Variants in IL31RA observed in about 807,000 individuals in gnomAD.
The protein encoded by IL31RA is interleukin-31 receptor subunit alpha.
Under a neutral mutation model 83.7 loss-of-function variants are expected in IL31RA, and 66 were observed. The ratio of observed to expected loss-of-function variants is 0.79; its 90% CI spans 0.65 to 0.97. The LOEUF (loss-of-function observed/expected upper bound fraction) is 0.97. Ranked by LOEUF, IL31RA falls within the 50% of genes least tolerant of loss-of-function variation. The pLI is 0.00. For synonymous variants in IL31RA, 325 were observed against 329.0 expected (o/e 0.99, Z 0.13); for missense variants, 798 against 919.4 (o/e 0.87, Z 1.71).
At position 55,883,203 on chromosome 5, in the gene IL31RA, A is replaced by G. The variant is rs372680961; in HGVS notation, c.606+8A>G. On this transcript the variant is annotated splice_region_variant and intron_variant, in intron 5 of 14. Transcript: ENST00000652347. ...GTCAACAGTACCAGCTGGGTAAGTT[A>G]TGCCATTATAATAATATTCCAATTA... is the stretch of plus-strand genomic sequence containing the variant. 104 of 1,607,690 alleles carry G rather than the reference A, an allele frequency of 6.5e-5. No individual in the cohort carries two copies. In the South Asian group the frequency reaches 7.7e-4, roughly 12 times the overall value.
chr5:55,852,394 A>T (rs1301429176), intron 1 of IL31RA: 1 of 151,700 alleles, frequency 6.6e-6, no homozygotes, highest in Non-Finnish European at 1.5e-5. Flanking sequence ...CTGGTCTCAA[A>T]CTCCTGACAT....
chr5:55,922,414 C>A lies in IL31RA; in HGVS notation c.*5294C>A. On this transcript the variant is annotated 3_prime_UTR_variant, in exon 15 of 15. Coordinates refer to ENST00000652347, the MANE Select transcript of IL31RA (RefSeq NM_139017.7). ...TTTTTAGGACTAGAATTCTGTCTTC[C>A]TGCCCAACTTCAATATAAGTGTGGA... 6.4e-7 allele frequency: 1 copy of A among 1,550,876 alleles called. No homozygotes were observed. Among genetic ancestry groups the A allele is most frequent in the Non-Finnish European group, 8.7e-7 (1 of 1,146,778 alleles).
rs1259104336 is a variant in IL31RA, at chr5:55,920,097, A to G, written c.*2977A>G. 1.3e-5 allele frequency among the ~76,000 whole-genome samples: 2 copies of G among 152,240 alleles called. No individual in the cohort carries two copies. Among genetic ancestry groups the G allele is most frequent in the African/African-American group, 4.8e-5 (2 of 41,470 alleles). Reference sequence around the variant, plus strand: ...AGTCTGTGGCTTAAATAAAAAGACCACAAGTTCCTTCTGGTGTCTTGGGAG... The same window carrying G: ...AGTCTGTGGCTTAAATAAAAAGACCGCAAGTTCCTTCTGGTGTCTTGGGAG... On this transcript the variant is annotated 3_prime_UTR_variant, in exon 15 of 15. Transcript: ENST00000652347.
intron 4 of IL31RA, among the ~76,000 whole-genome samples, chr5:55,882,747 T>G (rs1331796825): frequency 3.3e-5 from 5 of 152,062 alleles, no homozygotes; most frequent in Non-Finnish European, 7.4e-5. Flanking sequence ...CAGCCTATTT[T>G]CTGGTTGTGT....
the IL31RA span, among the ~76,000 whole-genome samples, chr5:55,841,820 T>A: frequency 2.0e-5 from 3 of 151,964 alleles, no homozygotes; most frequent in African/African-American, 7.3e-5. Flanking sequence ...ACAAACTTGG[T>A]GGCTAAAAAA....
intron 2 of IL31RA, among the ~76,000 whole-genome samples, chr5:55,866,184 C>A (rs1039143478): frequency 2.6e-5 from 4 of 152,174 alleles, no homozygotes; most frequent in Non-Finnish European, 4.4e-5. Flanking sequence ...GCTACATTCA[C>A]CTGCATAGAG....
In IL31RA at chr5:55,917,267, A is replaced by C; in HGVS notation, c.*147A>C. 1 of 1,564,170 alleles carries C rather than the reference A, an allele frequency of 6.4e-7. No individual in the cohort carries two copies. Among genetic ancestry groups the C allele is most frequent in the South Asian group, 1.2e-5 (1 of 86,956 alleles). On this transcript the variant is annotated 3_prime_UTR_variant, in exon 15 of 15. Coordinates refer to ENST00000652347, the MANE Select transcript of IL31RA (RefSeq NM_139017.7). The stretch of plus-strand genomic sequence containing the variant: ...CCCTGCCCCTTGAGCTGCCAGTTGA[A>C]CTTGGTCGGCAAAGATGCGACCTTG...
Position 55,854,784 on chromosome 5 carries a change from A to G in IL31RA, c.63+3151A>G, listed in dbSNP as rs1464069329. 2.6e-5 allele frequency among the ~76,000 whole-genome samples: 4 copies of G among 151,462 alleles called. No individual in the cohort carries two copies. In the East Asian group the frequency reaches 7.7e-4, roughly 29 times the overall value. ...GAAATAAAATATAAAATATGCAACT[A>G]TAAATATAAAATATATAAATAGAAA... On this transcript the variant is annotated intron_variant, in intron 1 of 14. Transcript: ENST00000652347.
chr5:55,895,971 T>C (rs1748308894), intron 6 of IL31RA, among the ~76,000 whole-genome samples: 1 of 152,244 alleles, frequency 6.6e-6, no homozygotes, highest in Non-Finnish European at 1.5e-5. Flanking sequence ...TGTATATACA[T>C]ATATCTCCTT....
rs768418984 is a variant in IL31RA at position 55,916,675 on chromosome 5, C to T, written c.1850C>T (p.Ser617Phe). The change falls in exon 15 of 15, where the codon TCT (serine) becomes TTT (phenylalanine). Residue 617 changes from serine to phenylalanine, a missense_variant. Ser to Phe is a radical substitution (Grantham distance 155, BLOSUM62 -2). Transcript: ENST00000652347. ...DKLNLKESDD[S>F]VNTEDRILKP... ...CTAAACCTGAAGGAGTCTGATGACT[C>T]TGTGAACACAGAAGACAGGATCTTA... 47 of 1,614,044 alleles carry T rather than the reference C, an allele frequency of 2.9e-5. No individual in the cohort carries two copies. The highest frequency in any genetic ancestry group is 4.0e-5 in the Non-Finnish European group (47 of 1,180,016).
At chr5:55,855,895 G>T (rs1444435182) in intron 1 of IL31RA, among the ~76,000 whole-genome samples, 3 of 152,052 alleles carry the variant, frequency 2.0e-5, no homozygotes, top group African/African-American at 7.2e-5. Context: ...TGGTTTTGTT[G>T]TTGTTTGTTT....
At chr5:55,860,139 C>T (rs1017141799) in intron 2 of IL31RA, among the ~76,000 whole-genome samples, 12 of 152,024 alleles carry the variant, frequency 7.9e-5, no homozygotes, top group East Asian at 1.9e-4. Context: ...GAGGCTGAGG[C>T]GGGCAGATTT....
At position 55,859,547 on chromosome 5, in the gene IL31RA, G is replaced by A. The variant is rs1411291445; in HGVS notation, c.102G>A (p.Met34Ile). Reference sequence around the variant, plus strand: ...CTTCATGTGTTAACCTGGGGATGATGTGGACCTGGGCACTGTGGATGCTCC... The same window carrying A: ...CTTCATGTGTTAACCTGGGGATGATATGGACCTGGGCACTGTGGATGCTCC... ...PQPSCVNLGM[M>I]WTWALWMLPS... The change falls in exon 2 of 15, where the codon ATG (methionine) becomes ATA (isoleucine). Residue 34 changes from methionine (M) to isoleucine (I), a missense_variant. Coordinates refer to ENST00000652347, the MANE Select transcript of IL31RA (RefSeq NM_139017.7). The A allele has an allele frequency of 1.2e-6, 2 of 1,613,992 alleles. No individual in the cohort carries two copies.
chr5:55,909,937 C>T (rs1388757386), intron 11 of IL31RA, among the ~76,000 whole-genome samples: 4 of 152,184 alleles, frequency 2.6e-5, no homozygotes, highest in Non-Finnish European at 5.9e-5. Flanking sequence ...CTCCCGACCT[C>T]GGGTGATCTG....
chr5:55,910,180 A>C (rs1208269883), intron 11 of IL31RA, among the ~76,000 whole-genome samples: 1 of 152,082 alleles, frequency 6.6e-6, no homozygotes, highest in Non-Finnish European at 1.5e-5. Context: ...TTATCTTTTC[A>C]TTCTTGATAT....
chr5:55,900,163 G>A, intron 8 of IL31RA, 31 bp downstream of exon 8: 1 of 1,498,716 alleles, frequency 6.7e-7, no homozygotes, highest in Non-Finnish European at 9.3e-7. Context: ...TTCCTTAGGT[G>A]CCTGGTCCCA....
chr5:55,851,072 G>A (rs183294541), upstream of IL31RA, among the ~76,000 whole-genome samples: 8 of 151,080 alleles, frequency 5.3e-5, no homozygotes, highest in African/African-American at 1.7e-4. Flanking sequence ...TCCAGCCTAA[G>A]CAACAAGAGC....
intron 7 of IL31RA, among the ~76,000 whole-genome samples, chr5:55,898,753 G>A (rs1489734471): frequency 1.3e-5 from 2 of 152,014 alleles, no homozygotes; most frequent in South Asian, 2.1e-4. Context: ...GGGGCTGGGC[G>A]TGGACTGGGC....
At chr5:55,885,082 C>A (rs1423536097) in intron 5 of IL31RA, among the ~76,000 whole-genome samples, 5 of 152,186 alleles carry the variant, frequency 3.3e-5, no homozygotes, top group Non-Finnish European at 5.9e-5. Flanking sequence ...TCAACCCCTC[C>A]TTTGGATATG....
Sources: gnomAD v4.1 joint callset for allele counts (sites outside exome capture counted in the v4.1 genomes callset) on GRCh38, gnomAD v4.1.1 for gene constraint, MANE v1.5 for transcripts, NCBI Gene and HGNC (gene_info 2026-07-23, HGNC 2026-07-21) for gene names.